ARK2N: variants seen among roughly 807,000 people sequenced by gnomAD.
The protein encoded by ARK2N is protein ARK2N.
At chr18:46,187,792 A>C in the ARK2N span, among the ~76,000 whole-genome samples, 1 of 152,160 alleles carries the variant, frequency 6.6e-6, no homozygotes, top group African/African-American at 2.4e-5. Context: ...TAATTTTTGA[A>C]TAATAGATTC....
the ARK2N span, among the ~76,000 whole-genome samples, chr18:46,247,681 T>C: frequency 6.6e-6 from 1 of 152,244 alleles, no homozygotes; most frequent in South Asian, 2.1e-4. Flanking sequence ...TGGTTGCTTA[T>C]TGATTGATTG....
the ARK2N span, among the ~76,000 whole-genome samples, chr18:46,186,000 T>TA: frequency 7.3e-5 from 11 of 150,904 alleles, no homozygotes; most frequent in African/African-American, 2.7e-4. Context: ...AGAATAAAAA[T>TA]AAAAAAACAG....
chr18:46,264,446 GTTTGTTTTGTT>G, the ARK2N span: 4 of 151,950 alleles, frequency 2.6e-5, no homozygotes, highest in South Asian at 8.3e-4. Context: ...CATGGTTTTT[GTTTGTTTTGTT>G]TTTGTTTTTG....
chr18:46,250,006 C>T, the ARK2N span, among the ~76,000 whole-genome samples: 3 of 151,972 alleles, frequency 2.0e-5, no homozygotes, highest in African/African-American at 7.3e-5. Flanking sequence ...CCTCGCCCCA[C>T]CCCATCTCTT....
chr18:46,176,021 A>C, the ARK2N span, among the ~76,000 whole-genome samples: 1 of 152,222 alleles, frequency 6.6e-6, no homozygotes, highest in Non-Finnish European at 1.5e-5. Flanking sequence ...CCATATAGTA[A>C]AGATAAATTC....
chr18:46,176,427 C>T, the ARK2N span, among the ~76,000 whole-genome samples: 2 of 150,794 alleles, frequency 1.3e-5, no homozygotes, highest in African/African-American at 2.4e-5. Context: ...TGAGAAAAAC[C>T]TGTAAAGGTG....
chr18:46,222,415 G>A, the ARK2N span, among the ~76,000 whole-genome samples: 2 of 152,076 alleles, frequency 1.3e-5, no homozygotes, highest in African/African-American at 2.4e-5. Flanking sequence ...TCATTTAAGC[G>A]ATTATTTGAA....
the ARK2N span, among the ~76,000 whole-genome samples, chr18:46,205,862 A>G: frequency 6.6e-6 from 1 of 152,008 alleles, no homozygotes; most frequent in South Asian, 2.1e-4. Flanking sequence ...AGTAGCTGGT[A>G]CTACAGGCAT....
the ARK2N span, among the ~76,000 whole-genome samples, chr18:46,246,540 A>G: frequency 8.2e-5 from 12 of 146,658 alleles, no homozygotes; most frequent in Non-Finnish European, 1.7e-4. Context: ...GTCTCACACT[A>G]TTAGTCTAGG....
At chr18:46,249,683 C>G in the ARK2N span, among the ~76,000 whole-genome samples, 1 of 152,194 alleles carries the variant, frequency 6.6e-6, no homozygotes, top group Non-Finnish European at 1.5e-5. Context: ...ATGAACAGGT[C>G]TCTCTCATTG....
chr18:46,180,703 CAA>C, the ARK2N span, among the ~76,000 whole-genome samples: 1 of 141,882 alleles, frequency 7.0e-6, no homozygotes. Context: ...AACTCTGTCT[CAA>C]AAAAAAAAAC....
At chr18:46,216,229 C>T in the ARK2N span, 1 of 1,613,878 alleles carries the variant, frequency 6.2e-7, no homozygotes, top group Non-Finnish European at 8.5e-7. The surrounding 1 kb of genome is among the most constrained non-coding windows in gnomAD (Gnocchi z 4.3). Flanking sequence ...AGAGAATGAA[C>T]CCTCTCAGGC....
the ARK2N span, among the ~76,000 whole-genome samples, chr18:46,203,735 C>T: frequency 1.2e-3 from 189 of 152,194 alleles, 1 homozygote; most frequent in African/African-American, 4.1e-3. Context: ...TATAGGCATG[C>T]ACTACCATGC....
At chr18:46,237,450 C>G in the ARK2N span, among the ~76,000 whole-genome samples, 1,004 of 149,314 alleles carry the variant, frequency 6.7e-3, 16 homozygotes, top group African/African-American at 0.024. Context: ...TTCAGTGGCA[C>G]GATCTCGGCT....
At chr18:46,225,511 T>G in the ARK2N span, among the ~76,000 whole-genome samples, 1 of 152,130 alleles carries the variant, frequency 6.6e-6, no homozygotes. Flanking sequence ...CAGGCTGGAG[T>G]GCAATGGCGC....
the ARK2N span, among the ~76,000 whole-genome samples, chr18:46,225,482 G>A: frequency 1.5e-4 from 22 of 151,658 alleles, no homozygotes; most frequent in African/African-American, 5.3e-4. Flanking sequence ...TTTTTGAGAC[G>A]AAGTCTCGCT....
At chr18:46,180,333 A>G in the ARK2N span, among the ~76,000 whole-genome samples, 1 of 152,370 alleles carries the variant, frequency 6.6e-6, no homozygotes, top group East Asian at 1.9e-4. Flanking sequence ...GACTTAATGC[A>G]TATGTGGTAT....
the ARK2N span, among the ~76,000 whole-genome samples, chr18:46,249,465 C>G: frequency 6.6e-6 from 1 of 152,074 alleles, no homozygotes; most frequent in Non-Finnish European, 1.5e-5. Flanking sequence ...ATCTCCTGAC[C>G]TCGTGATCCA....
the ARK2N span, chr18:46,253,623 T>G: frequency 6.6e-7 from 1 of 1,517,646 alleles, no homozygotes; most frequent in Non-Finnish European, 8.9e-7. Context: ...GACAAATCTG[T>G]CAATGAGTTG....
Sources: gnomAD v4.1 joint callset for allele counts (sites outside exome capture counted in the v4.1 genomes callset) on GRCh38, gnomAD v4.1.1 for gene constraint, Gnocchi (gnomAD v3.1) non-coding constraint, MANE v1.5 for transcripts, NCBI Gene and HGNC (gene_info 2026-07-23, HGNC 2026-07-21) for gene names.